GAPDHS: variants seen among roughly 807,000 people sequenced by gnomAD.
The protein encoded by GAPDHS is glyceraldehyde-3-phosphate dehydrogenase, testis-specific.
Under a neutral mutation model 48.7 loss-of-function variants are expected in GAPDHS, and 42 were observed. The observed-to-expected ratio is 0.86, with a 90% CI of 0.67 to 1.12. The LOEUF is 1.12. Ranked by LOEUF, GAPDHS falls within the 50% of genes most tolerant of loss-of-function variation. The pLI is 0.00. For missense variants in GAPDHS, 512 were observed against 557.7 expected (o/e 0.92, Z 0.82); for synonymous variants, 166 against 219.1 (o/e 0.76, Z 2.14).
intron 1 of GAPDHS, among the ~76,000 whole-genome samples, chr19:35,534,988 C>G (rs776593765): frequency 1.3e-5 from 2 of 152,158 alleles, no homozygotes; most frequent in South Asian, 4.1e-4. Flanking sequence ...TCAGACTTCC[C>G]TCCTCTATTA....
chr19:35,535,293 C>G (rs2071458406), intron 1 of GAPDHS, among the ~76,000 whole-genome samples: 1 of 152,168 alleles, frequency 6.6e-6, no homozygotes. Flanking sequence ...GAGGTGGGAG[C>G]CAATGTGAGC....
At chr19:35,535,510 G>C (rs1440132070) in intron 1 of GAPDHS, among the ~76,000 whole-genome samples, 2 of 151,800 alleles carry the variant, frequency 1.3e-5, no homozygotes, top group Non-Finnish European at 2.9e-5. Context: ...TCAGCCTCCT[G>C]AGTAGCTGGG....
At chr19:35,536,150 C>T (rs974869756) in intron 1 of GAPDHS, among the ~76,000 whole-genome samples, 1 of 152,148 alleles carries the variant, frequency 6.6e-6, no homozygotes, top group African/African-American at 2.4e-5. Flanking sequence ...AACATTTCCT[C>T]GGCTTGGTCA....
intron 2 of GAPDHS, 120 bp from the exon 3 acceptor site, chr19:35,538,187 G>A (rs988327019): frequency 3.0e-6 from 2 of 672,732 alleles, no homozygotes; most frequent in Non-Finnish European, 5.3e-6. Context: ...GATGCCCATG[G>A]CCAGCACAGA....
chr19:35,535,470 CG>C (rs2071459665), intron 1 of GAPDHS, among the ~76,000 whole-genome samples: 1 of 152,096 alleles, frequency 6.6e-6, no homozygotes, highest in Admixed American at 6.5e-5. Context: ...CCACAACCTC[CG>C]CCTCCTGGGT....
chr19:35,543,930 G>A, intron 9 of GAPDHS, 103 bp downstream of exon 9: 1 of 1,436,730 alleles, frequency 7.0e-7, no homozygotes, highest in Non-Finnish European at 9.1e-7. Flanking sequence ...AGAAACTGCA[G>A]GGCAGGAAGG....
rs145093500 is a variant in GAPDHS at position 35,545,115 on chromosome 19, G to T, written c.1172G>T (p.Gly391Val). 6.2e-7 allele frequency: 1 copy of T among 1,614,124 alleles called. No homozygotes were observed. The highest frequency in any genetic ancestry group is 1.3e-5 in the African/African-American group (1 of 75,040). ...KLISWYDNEYGYSHRVVDLLR... is the reference protein window; with the variant it reads ...KLISWYDNEYVYSHRVVDLLR... ...CTCCACAGGTACGACAACGAATATG[G>T]CTACAGTCACCGGGTGGTCGACCTC... The change falls in exon 11 of 11, where the codon GGC becomes GTC. Residue 391 changes from glycine to valine, a missense_variant. By Grantham distance (109) the Gly-to-Val change is moderately radical. Transcript: ENST00000222286.
At position 35,537,887 on chromosome 19, in the gene GAPDHS, C is replaced by G. The variant is rs1393800860; in HGVS notation, c.246-420C>G. Among the ~76,000 whole-genome samples the G allele has an allele frequency of 5.3e-5, 8 of 152,112 alleles. No homozygotes were observed. The East Asian group carries it at 9.6e-4, about 18-fold the overall frequency. Reference sequence around the variant, plus strand: ...GGTCAGGAGTTCGAGACCAGCCTGGCCAACATGGCAAAACCCCGTCTCTAT... The same window carrying G: ...GGTCAGGAGTTCGAGACCAGCCTGGGCAACATGGCAAAACCCCGTCTCTAT... On this transcript the variant is annotated intron_variant, in intron 2 of 10. Transcript: ENST00000222286.
rs1348410723 is a variant in GAPDHS, at chr19:35,538,672, T to C, written c.438T>C (p.Ser146=). The C allele has an allele frequency of 6.4e-7, 1 of 1,552,476 alleles. No homozygotes were observed. Among genetic ancestry groups the C allele is most frequent in the Admixed American group, 1.7e-5 (1 of 59,948 alleles). Residue 146 remains serine (S), a synonymous_variant, in exon 4 of 11, where the codon TCT becomes TCC. Transcript: ENST00000222286. ...TGGTCGTGGACAACCATGAGATCTCTGTCTACCAGTGGTAAGGAAAGCATC... is the reference window on the plus strand; with the variant it reads ...TGGTCGTGGACAACCATGAGATCTCCGTCTACCAGTGGTAAGGAAAGCATC... ...GQLVVDNHEI[S]VYQCKEPKQI... is the part of the protein sequence containing the mutation.
At chr19:35,542,186 T>C (rs2071508125) in intron 4 of GAPDHS, 133 bp from the exon 5 acceptor site, 1 of 654,074 alleles carries the variant, frequency 1.5e-6, no homozygotes, top group Non-Finnish European at 2.8e-6. Context: ...AACAAGTAGG[T>C]GTGTGGGGTA....
At position 35,542,373 on chromosome 19, in the gene GAPDHS, G is replaced by C; in HGVS notation, c.504G>C (p.Glu168Asp). 1 of 1,612,686 alleles carries C rather than the reference G, an allele frequency of 6.2e-7. No homozygotes were observed. Among genetic ancestry groups the C allele is most frequent in the Non-Finnish European group, 8.5e-7 (1 of 1,179,086 alleles). ...WRAVGSPYVV[E>D]STGVYLSIQA... ...CTGTCGGGAGCCCCTACGTGGTGGA[G>C]TCCACAGGCGTGTACCTCTCCATAC... Residue 168 changes from glutamate (E) to aspartate (D), a missense_variant, in exon 5 of 11, where the codon GAG becomes GAC. Physicochemically the swap from Glu to Asp is conservative, Grantham distance 45. Transcript: ENST00000222286.
chr19:35,533,538 G>T lies in GAPDHS; in HGVS notation c.11G>T (p.Arg4Leu). 1 of 1,613,666 alleles carries T rather than the reference G, an allele frequency of 6.2e-7. No individual in the cohort carries two copies. The highest frequency in any genetic ancestry group is 8.5e-7 in the Non-Finnish European group (1 of 1,179,878). Residue 4 changes from arginine to leucine, a missense_variant, in exon 1 of 11, where the codon CGC becomes CTC. Transcript: ENST00000222286. ...ACCTTATAAGAGGCCATGTCGAAGC[G>T]CGACATCGTCCTCACCAATGTCACC... Reference protein sequence around the residue: MSKRDIVLTNVTVV... With the variant: MSKLDIVLTNVTVV...
In GAPDHS at chr19:35,542,968, G is replaced by C. The variant is rs1286021312; in HGVS notation, c.683G>C (p.Cys228Ser). 6.2e-7 allele frequency: 1 copy of C among 1,614,114 alleles called. No homozygotes were observed. The highest frequency in any genetic ancestry group is 1.1e-5 in the South Asian group (1 of 91,078). The change falls in exon 7 of 11, where the codon TGT becomes TCT. Residue 228 changes from cysteine to serine, a missense_variant. Coordinates refer to ENST00000222286, the MANE Select transcript of GAPDHS (RefSeq NM_014364.5). ...IVSNASCTTN[C>S]LAPLAKVIHE... ...AGCAACGCGTCCTGCACCACCAACT[G>C]TTTGGCTCCCCTCGCCAAAGTCATC...
Position 35,545,260 on chromosome 19 carries a change from C to T in GAPDHS, c.*90C>T, listed in dbSNP as rs777819661. On this transcript the variant is annotated 3_prime_UTR_variant, in exon 11 of 11. Coordinates refer to ENST00000222286, the MANE Select transcript of GAPDHS (RefSeq NM_014364.5). ...ATCTGGCTGCCCGGGGGAGGAAGGA[C>T]ACCCGGGGCGGGCGCCCCACGCCGA... 3.3e-5 allele frequency: 37 copies of T among 1,107,876 alleles called. No homozygotes were observed. The highest frequency in any genetic ancestry group is 3.3e-5 in the Non-Finnish European group (24 of 724,206). 68.6% of individuals were successfully genotyped at this position (1,107,876 alleles called of 1,614,324 possible).
Position 35,542,973 on chromosome 19 carries a change from G to A in GAPDHS, c.688G>A (p.Ala230Thr). The A allele has an allele frequency of 6.2e-7, 1 of 1,614,100 alleles. No individual in the cohort carries two copies. Among genetic ancestry groups the A allele is most frequent in the African/African-American group, 1.3e-5 (1 of 75,058 alleles). The change falls in exon 7 of 11, where the codon GCT (alanine) becomes ACT (threonine). Residue 230 changes from alanine (A) to threonine (T), a missense_variant. By Grantham distance (58) the Ala-to-Thr change is moderately conservative (BLOSUM62 0). Transcript: ENST00000222286. ...CGCGTCCTGCACCACCAACTGTTTG[G>A]CTCCCCTCGCCAAAGTCATCCACGA... ...SNASCTTNCL[A>T]PLAKVIHERF...
In GAPDHS at chr19:35,543,833, G is replaced by A; in HGVS notation, c.1056+6G>A. Reference sequence around the variant, plus strand: ...TTGCCTACACCGAGGATGAGGTAGGGGCTGAGGAGAGGAGACCCTGGGAGG... The same window carrying A: ...TTGCCTACACCGAGGATGAGGTAGGAGCTGAGGAGAGGAGACCCTGGGAGG... On this transcript the variant is annotated splice_donor_region_variant and intron_variant, in intron 9 of 10. Transcript: ENST00000222286. 1 of 1,603,168 alleles carries A rather than the reference G, an allele frequency of 6.2e-7. No individual in the cohort carries two copies. The highest frequency in any genetic ancestry group is 8.5e-7 in the Non-Finnish European group (1 of 1,175,218).
Position 35,543,842 on chromosome 19 carries a change from G to T in GAPDHS, c.1056+15G>T. On this transcript the variant is annotated intron_variant, in intron 9 of 10. Transcript: ENST00000222286. ...CCGAGGATGAGGTAGGGGCTGAGGA[G>T]AGGAGACCCTGGGAGGAGCCCTCTG... is the stretch of plus-strand genomic sequence containing the variant. 6.3e-7 allele frequency: 1 copy of T among 1,592,714 alleles called. No homozygotes were observed.
Position 35,542,596 on chromosome 19 carries a change from T to C in GAPDHS, c.647T>C (p.Met216Thr), listed in dbSNP as rs142498204. ...GAAAATGACTATAACCCTGGCTCCA[T>C]GAACATTGTGAGGTAATGTGGGCAG... ...VNENDYNPGSMNIVSNASCTT... is the reference protein window; with the variant it reads ...VNENDYNPGSTNIVSNASCTT... Residue 216 changes from methionine (M) to threonine (T), a missense_variant, in exon 6 of 11, where the codon ATG becomes ACG. Transcript: ENST00000222286. 10 of 1,606,156 alleles carry C rather than the reference T, an allele frequency of 6.2e-6. No homozygotes were observed. The African/African-American group carries it at 1.3e-4, about 21-fold the overall frequency.
Position 35,538,666 on chromosome 19 carries a change from G to T in GAPDHS, c.432G>T (p.Glu144Asp). The change falls in exon 4 of 11, where the codon GAG becomes GAT. Residue 144 changes from glutamate to aspartate, a missense_variant. Coordinates refer to ENST00000222286, the MANE Select transcript of GAPDHS (RefSeq NM_014364.5). ...GACAACTGGTCGTGGACAACCATGA[G>T]ATCTCTGTCTACCAGTGGTAAGGAA... ...RNGQLVVDNH[E>D]ISVYQCKEPK... 1.3e-6 allele frequency: 2 copies of T among 1,590,632 alleles called. No individual in the cohort carries two copies. The highest frequency in any genetic ancestry group is 8.6e-7 in the Non-Finnish European group (1 of 1,158,552).
Sources: allele counts gnomAD v4.1 joint callset (sites outside exome capture counted in the v4.1 genomes callset), GRCh38; gene constraint gnomAD v4.1.1; transcripts MANE v1.5; gene names NCBI Gene and HGNC (gene_info 2026-07-23, HGNC 2026-07-21).